The following RTF1 variants were observed in gnomAD, a reference collection of about 807,000 sequenced individuals.
RTF1 encodes RNA polymerase-associated protein RTF1 homolog.
A neutral mutation model predicts 95.7 loss-of-function variants in RTF1; 10 were observed. The observed-to-expected ratio is 0.10, with a 90% CI of 0.06 to 0.18. RTF1 has a LOEUF of 0.18. Among genes scored for constraint, RTF1 ranks in the 10% least tolerant of loss-of-function variants. The probability of loss-of-function intolerance (pLI) is 1.00; values close to 1 mark genes in which losing one functional copy is unlikely to be tolerated. For missense variants in RTF1, 458 were observed against 875.6 expected, an observed-to-expected ratio of 0.52 and a Z score of 6.02; for synonymous variants, 305 against 311.8, an observed-to-expected ratio of 0.98 and a Z score of 0.23.
At chr15:41,478,273 C>A (rs1460670686) in intron 14 of RTF1, among the ~76,000 whole-genome samples, 1 of 151,930 alleles carries the variant, frequency 6.6e-6, no homozygotes, top group Non-Finnish European at 1.5e-5. Context: ...TGGTGGCTTG[C>A]ACCTATAGTC....
intron 1 of RTF1, among the ~76,000 whole-genome samples, chr15:41,422,031 GT>G (rs1340939042): frequency 6.6e-6 from 1 of 151,856 alleles, no homozygotes; most frequent in Non-Finnish European, 1.5e-5. Flanking sequence ...TTATTTGTTT[GT>G]TTGTTTATTT....
intron 6 of RTF1, among the ~76,000 whole-genome samples, chr15:41,469,814 C>T (rs1398184722): frequency 6.6e-6 from 1 of 152,114 alleles, no homozygotes; most frequent in Non-Finnish European, 1.5e-5. Context: ...CGTAAGCCAC[C>T]GCACCCGTCC....
intron 1 of RTF1, among the ~76,000 whole-genome samples, chr15:41,435,225 T>C (rs904682200): frequency 2.6e-5 from 4 of 152,162 alleles, no homozygotes. Context: ...GATTAGATCT[T>C]CTCTGTATCA....
At chr15:41,457,033 C>T (rs1443678920) in intron 3 of RTF1, among the ~76,000 whole-genome samples, 1 of 151,508 alleles carries the variant, frequency 6.6e-6, no homozygotes, top group African/African-American at 2.4e-5. Context: ...TTGCAATGAG[C>T]TGAGATCACA....
chr15:41,447,331 G>A (rs1365632074), intron 2 of RTF1, among the ~76,000 whole-genome samples: 1 of 152,058 alleles, frequency 6.6e-6, no homozygotes, highest in Non-Finnish European at 1.5e-5. Flanking sequence ...CCCTATTCCA[G>A]AGCAACCAGT....
Position 41,423,779 on chromosome 15 carries a change from G to A in RTF1, c.198+6466G>A, listed in dbSNP as rs555971874. 4.7e-4 allele frequency among the ~76,000 whole-genome samples: 71 copies of A among 152,116 alleles called. 2 individuals carry two copies. The East Asian group carries it at 7.9e-3, about 17-fold the overall frequency. On this transcript the variant is annotated intron_variant, in intron 1 of 17. Coordinates refer to ENST00000389629, the MANE Select transcript of RTF1 (RefSeq NM_015138.5). ...ATTTATTTATTTATTTTGAGATGGA[G>A]TCTCACTTTGTTGCCCAGGCTGGAG...
chr15:41,477,364 G>A (rs1423142276), intron 13 of RTF1, 78 bp downstream of exon 13: 2 of 1,613,288 alleles, frequency 1.2e-6, no homozygotes. Context: ...TACACTCTGT[G>A]CTGCACTGAC....
intron 15 of RTF1, 157 bp from the exon 16 acceptor site, chr15:41,478,943 CTTT>C (rs374560005): frequency 0.018 from 8,760 of 494,098 alleles, no homozygotes; most frequent in South Asian, 0.022. Context: ...TTGTAATTGC[CTTT>C]TTTTTTTTTT....
At chr15:41,460,121 GT>G (rs869235078) in intron 4 of RTF1, among the ~76,000 whole-genome samples, 30 of 83,448 alleles carry the variant, frequency 3.6e-4, no homozygotes, top group East Asian at 1.7e-3. Context: ...TTTTGTTTTT[GT>G]TTTTTTTTTT....
At chr15:41,433,234 T>A (rs1171606826) in intron 1 of RTF1, among the ~76,000 whole-genome samples, 5 of 152,050 alleles carry the variant, frequency 3.3e-5, no homozygotes, top group Admixed American at 1.3e-4. Flanking sequence ...GGAGACATAG[T>A]GAGAGTCCAT....
In RTF1 at chr15:41,482,800, A is replaced by C. The variant is rs1290609711; in HGVS notation, c.*2113A>C. 6.6e-6 allele frequency: 1 copy of C among 152,534 alleles called. No homozygotes were observed. The highest frequency in any genetic ancestry group is 2.4e-5 in the African/African-American group (1 of 41,438). The allele number at this position is 152,534 out of a possible 1,614,324, so 9.4% of individuals were successfully genotyped here. A position where few individuals can be genotyped will look rare whatever the true frequency, so the allele number is the denominator to read the frequency against. On this transcript the variant is annotated 3_prime_UTR_variant, in exon 18 of 18. Transcript: ENST00000389629. ...TCCTGGAGCTGCTGGGACCTCTCCT[A>C]TCATGATGAACTTGGACTTTTTTTT...
At chr15:41,455,741 G>A (rs1170557460) in intron 3 of RTF1, among the ~76,000 whole-genome samples, 1 of 150,476 alleles carries the variant, frequency 6.6e-6, no homozygotes, top group African/African-American at 2.5e-5. Flanking sequence ...AGGTTGCAGT[G>A]AGCCGAGATC....
At chr15:41,480,012 C>T (rs749095955) in intron 16 of RTF1, among the ~76,000 whole-genome samples, 10 of 152,212 alleles carry the variant, frequency 6.6e-5, no homozygotes, top group Non-Finnish European at 1.5e-4. Flanking sequence ...AGACACAAGC[C>T]TGCCCTCTTC....
chr15:41,433,031 T>G (rs2050683328), intron 1 of RTF1, among the ~76,000 whole-genome samples: 1 of 151,906 alleles, frequency 6.6e-6, no homozygotes, highest in Non-Finnish European at 1.5e-5. Flanking sequence ...GGTGGGCAGA[T>G]CATCAGGAGT....
chr15:41,429,250 A>G (rs531999719), intron 1 of RTF1, among the ~76,000 whole-genome samples: 6 of 152,252 alleles, frequency 3.9e-5, no homozygotes, highest in African/African-American at 1.4e-4. Context: ...AAGGGACACT[A>G]GGAAGTAACT....
At chr15:41,473,878 A>C (rs1017435263) in intron 8 of RTF1, among the ~76,000 whole-genome samples, 4 of 152,228 alleles carry the variant, frequency 2.6e-5, no homozygotes, top group African/African-American at 7.2e-5. Context: ...TCTACTAAAA[A>C]TACAAAAAAT....
intron 1 of RTF1, among the ~76,000 whole-genome samples, chr15:41,433,674 A>G (rs1473980266): frequency 6.6e-6 from 1 of 152,124 alleles, no homozygotes; most frequent in African/African-American, 2.4e-5. Flanking sequence ...GAAAAAAGGT[A>G]ATGGTAAAGA....
chr15:41,480,752 C>G lies in RTF1; in HGVS notation c.*65C>G. On this transcript the variant is annotated 3_prime_UTR_variant, in exon 18 of 18. Coordinates refer to ENST00000389629, the MANE Select transcript of RTF1 (RefSeq NM_015138.5). ...CGCAGCGTCCCACCTTTCCTCCTTT[C>G]CTTTGATTTAGCCTCTTTGGGCTGG... is the stretch of plus-strand genomic sequence containing the variant. 4 of 1,198,852 alleles carry G rather than the reference C, an allele frequency of 3.3e-6. No individual in the cohort carries two copies. The highest frequency in any genetic ancestry group is 5.0e-6 in the Non-Finnish European group (4 of 806,262). 74.3% of individuals were successfully genotyped at this position (1,198,852 alleles called of 1,614,324 possible).
intron 1 of RTF1, among the ~76,000 whole-genome samples, chr15:41,432,811 C>T (rs1467927498): frequency 6.6e-6 from 1 of 151,994 alleles, no homozygotes; most frequent in African/African-American, 2.4e-5. Context: ...TTGTGGTGCA[C>T]ACCTGTAATC....
Sources: gnomAD v4.1 joint callset for allele counts (sites outside exome capture counted in the v4.1 genomes callset) on GRCh38, gnomAD v4.1.1 for gene constraint, MANE v1.5 for transcripts, NCBI Gene and HGNC (gene_info 2026-07-23, HGNC 2026-07-21) for gene names.